OR2L13: variants seen among roughly 807,000 people sequenced by gnomAD.
OR2L13 encodes olfactory receptor 2L13.
In OR2L13, 14 loss-of-function variants were observed where a neutral mutation model predicts 15.3. The observed-to-expected ratio is 0.91, with a 90% CI of 0.60 to 1.43. The LOEUF (loss-of-function observed/expected upper bound fraction) is 1.43, where lower values mean the gene tolerates loss of function less well. OR2L13 is among the 40% of genes most tolerant of loss of function. The probability of loss-of-function intolerance (pLI) is 0.00; values close to 1 mark genes in which losing one functional copy is unlikely to be tolerated. For synonymous variants in OR2L13, 152 were observed against 142.9 expected (o/e 1.06, Z -0.45); for missense variants, 367 against 387.9 (o/e 0.95, Z 0.45).
At chr1:247,966,249 C>T in the OR2L13 span, 2 of 1,612,856 alleles carry the variant, frequency 1.2e-6, no homozygotes, top group Non-Finnish European at 1.7e-6. Flanking sequence ...TTATCTACAG[C>T]CTGAGAAATA....
At chr1:248,085,029 G>C in the OR2L13 span, among the ~76,000 whole-genome samples, 1 of 152,076 alleles carries the variant, frequency 6.6e-6, no homozygotes, top group South Asian at 2.1e-4. Flanking sequence ...AGAGATTATA[G>C]GACAATAAAA....
At chr1:248,028,390 C>T in the OR2L13 span, among the ~76,000 whole-genome samples, 10 of 152,114 alleles carry the variant, frequency 6.6e-5, no homozygotes, top group African/African-American at 1.9e-4. Flanking sequence ...ACATCCCTTG[C>T]TCTTTAACAA....
the OR2L13 span, chr1:247,949,101 T>A: frequency 1.9e-6 from 3 of 1,613,948 alleles, no homozygotes; most frequent in Non-Finnish European, 2.5e-6. Context: ...TAAGATGGCA[T>A]CTGATTTTCT....
chr1:248,026,782 C>T, the OR2L13 span, among the ~76,000 whole-genome samples: 8 of 152,276 alleles, frequency 5.3e-5, no homozygotes, highest in East Asian at 3.9e-4. Context: ...CCAATCAATA[C>T]GCTTGTGATT....
chr1:248,033,400 C>A, the OR2L13 span, among the ~76,000 whole-genome samples: 1 of 151,938 alleles, frequency 6.6e-6, no homozygotes, highest in African/African-American at 2.4e-5. Flanking sequence ...ATATGACAGT[C>A]TATTTCTTGA....
chr1:247,941,411 T>C, the OR2L13 span, among the ~76,000 whole-genome samples: 1 of 152,200 alleles, frequency 6.6e-6, no homozygotes, highest in Non-Finnish European at 1.5e-5. Context: ...GGTGAATGGA[T>C]ACTAGACTTT....
the OR2L13 span, among the ~76,000 whole-genome samples, chr1:247,958,896 A>G: frequency 5.3e-5 from 8 of 152,294 alleles, no homozygotes; most frequent in East Asian, 1.5e-3. Context: ...CTCTTTATCC[A>G]ATGTGCCAGC....
chr1:247,965,270 G>T, the OR2L13 span: 25 of 1,330,978 alleles, frequency 1.9e-5, no homozygotes, highest in Admixed American at 2.8e-5. Flanking sequence ...ACATGTAAGT[G>T]AATATTTATT....
the OR2L13 span, chr1:247,949,665 G>A: frequency 1.2e-6 from 2 of 1,613,876 alleles, no homozygotes; most frequent in Non-Finnish European, 8.5e-7. Context: ...TCCAACAGAG[G>A]ACAAGGTTCT....
the OR2L13 span, among the ~76,000 whole-genome samples, chr1:247,941,719 T>C: frequency 2.6e-5 from 4 of 152,170 alleles, no homozygotes; most frequent in Non-Finnish European, 5.9e-5. Flanking sequence ...TGGACAAGCA[T>C]TGGTACCTAT....
the OR2L13 span, chr1:248,083,618 T>C: frequency 7.4e-7 from 1 of 1,350,868 alleles, no homozygotes; most frequent in Non-Finnish European, 1.1e-6. Flanking sequence ...GAACTTAGAG[T>C]CATTTGACAC....
chr1:248,095,732 G>A (rs953127032), upstream of OR2L13, among the ~76,000 whole-genome samples: 21 of 148,898 alleles, frequency 1.4e-4, no homozygotes, highest in African/African-American at 4.0e-4. Context: ...TCAGCCTCCC[G>A]AGTGGATGGG....
chr1:248,072,440 C>T, the OR2L13 span, among the ~76,000 whole-genome samples: 1 of 152,150 alleles, frequency 6.6e-6, no homozygotes. Context: ...AAAGCTGAAA[C>T]TGGATCCCTT....
chr1:248,035,466 T>G, the OR2L13 span: 1 of 151,658 alleles, frequency 6.6e-6, no homozygotes, highest in Non-Finnish European at 1.5e-5. Flanking sequence ...AAAAAAAAAG[T>G]GTCAGTCTCA....
chr1:248,010,763 GTTTTT>G, the OR2L13 span, among the ~76,000 whole-genome samples: 131 of 44,484 alleles, frequency 2.9e-3, no homozygotes, highest in African/African-American at 0.012. Context: ...CTTTGTTGTT[GTTTTT>G]TTTTTTTTTT....
the OR2L13 span, among the ~76,000 whole-genome samples, chr1:247,997,724 C>G: frequency 6.6e-6 from 1 of 152,118 alleles, no homozygotes; most frequent in Non-Finnish European, 1.5e-5. Context: ...CCTTGACATG[C>G]CTTGAAACAT....
the OR2L13 span, among the ~76,000 whole-genome samples, chr1:248,031,259 T>C: frequency 6.6e-6 from 1 of 152,168 alleles, no homozygotes; most frequent in Non-Finnish European, 1.5e-5. Flanking sequence ...AACAATAATA[T>C]TATATGGTAG....
chr1:247,982,785 G>C, the OR2L13 span, among the ~76,000 whole-genome samples: 2 of 152,082 alleles, frequency 1.3e-5, no homozygotes, highest in African/African-American at 4.8e-5. Context: ...AAGTTGAAAT[G>C]ATTAAATTTT....
At chr1:248,069,143 G>C in the OR2L13 span, among the ~76,000 whole-genome samples, 1 of 152,030 alleles carries the variant, frequency 6.6e-6, no homozygotes, top group African/African-American at 2.4e-5. Context: ...GATACTCCTC[G>C]AGAAGAGCAA....
Sources: allele counts gnomAD v4.1 joint callset (sites outside exome capture counted in the v4.1 genomes callset), GRCh38; gene constraint gnomAD v4.1.1; transcripts MANE v1.5; gene names NCBI Gene and HGNC (gene_info 2026-07-23, HGNC 2026-07-21).